The following CDH13 variants were observed in gnomAD, a reference collection of about 807,000 sequenced individuals.
CDH13 encodes cadherin-13.
Under a neutral mutation model 63.8 loss-of-function variants are expected in CDH13, and 24 were observed. That is an observed-to-expected ratio of 0.38 (90% CI 0.27 to 0.53). CDH13 has a LOEUF of 0.53. CDH13 is among the 20% of genes least tolerant of loss of function. CDH13 has a pLI of 0.85. For synonymous variants in CDH13, 503 were observed against 355.3 expected, an observed-to-expected ratio of 1.42 and a Z score of -4.67; for missense variants, 1,049 against 903.1, an observed-to-expected ratio of 1.16 and a Z score of -2.07.
At chr16:83,373,997 A>G (rs2091418190) in intron 6 of CDH13, among the ~76,000 whole-genome samples, 1 of 152,216 alleles carries the variant, frequency 6.6e-6, no homozygotes. Context: ...CAGGAAGTCG[A>G]AGGTCTTTCT....
chr16:83,545,683 C>G (rs531108451), intron 7 of CDH13, among the ~76,000 whole-genome samples: 3 of 152,288 alleles, frequency 2.0e-5, no homozygotes, highest in Admixed American at 2.0e-4. Flanking sequence ...TTTAGACTCT[C>G]CATACAGTTC....
chr16:83,246,047 T>C (rs1904960641), intron 5 of CDH13, among the ~76,000 whole-genome samples: 1 of 152,214 alleles, frequency 6.6e-6, no homozygotes, highest in South Asian at 2.1e-4. Context: ...CAAATTCCTA[T>C]TTCTTGTTTG....
intron 5 of CDH13, among the ~76,000 whole-genome samples, chr16:83,280,146 A>G (rs1322173833): frequency 1.3e-5 from 2 of 152,166 alleles, no homozygotes; most frequent in Non-Finnish European, 2.9e-5. Flanking sequence ...CTTTTCCAAA[A>G]TCTTTCTCTG....
At chr16:83,038,792 C>T (rs570434919) in intron 3 of CDH13, among the ~76,000 whole-genome samples, 6 of 152,258 alleles carry the variant, frequency 3.9e-5, no homozygotes, top group Non-Finnish European at 8.8e-5. Context: ...CATTTTCTGG[C>T]CTGGCCAACG....
intron 2 of CDH13, among the ~76,000 whole-genome samples, chr16:82,959,469 G>A (rs1427026297): frequency 6.6e-6 from 1 of 152,172 alleles, no homozygotes; most frequent in Non-Finnish European, 1.5e-5. Flanking sequence ...CCCAAGGGCA[G>A]AATCCACTTT....
Position 83,393,679 on chromosome 16 carries a change from C to G in CDH13, c.781+48673C>G, listed in dbSNP as rs75373172. On this transcript the variant is annotated intron_variant, in intron 6 of 13. Transcript: ENST00000567109. ...ATTCAATTCAGTTGAATCATTCATT[C>G]ATTGAATTGAATCATTCATTCAATG... is the stretch of plus-strand genomic sequence containing the variant. Among the ~76,000 whole-genome samples the G allele has an allele frequency of 7.5e-3, 1,142 of 152,274 alleles. 9 individuals are homozygous for G. Among genetic ancestry groups the G allele is most frequent in the Non-Finnish European group, 0.011 (775 of 68,024 alleles).
intron 11 of CDH13, among the ~76,000 whole-genome samples, chr16:83,767,329 C>T (rs1914461388): frequency 6.6e-6 from 1 of 152,094 alleles, no homozygotes; most frequent in African/African-American, 2.4e-5. Context: ...GGGCAGTTTT[C>T]CCCGTACTGT....
At chr16:83,229,085 A>T (rs1390130832) in intron 5 of CDH13, among the ~76,000 whole-genome samples, 1 of 152,200 alleles carries the variant, frequency 6.6e-6, no homozygotes, top group Non-Finnish European at 1.5e-5. Context: ...ACCGGGCCTC[A>T]CAGGGCAGGA....
chr16:83,097,203 T>A (rs1393708225), intron 3 of CDH13, among the ~76,000 whole-genome samples: 2 of 152,168 alleles, frequency 1.3e-5, no homozygotes, highest in East Asian at 3.8e-4. Context: ...CTAACTGATA[T>A]GAAACATTTC....
At chr16:83,442,046 A>G (rs2072494086) in intron 6 of CDH13, among the ~76,000 whole-genome samples, 2 of 152,120 alleles carry the variant, frequency 1.3e-5, no homozygotes, top group Admixed American at 1.3e-4. Flanking sequence ...TTTTTTGTCC[A>G]CAAGCAAAAT....
intron 1 of CDH13, among the ~76,000 whole-genome samples, chr16:82,693,543 A>G (rs2029892471): frequency 6.6e-6 from 1 of 152,196 alleles, no homozygotes; most frequent in South Asian, 2.1e-4. Flanking sequence ...TATGCTGCAT[A>G]AAGGACCCCC....
At chr16:83,300,394 C>G (rs2089705849) in intron 5 of CDH13, among the ~76,000 whole-genome samples, 1 of 152,194 alleles carries the variant, frequency 6.6e-6, no homozygotes, top group South Asian at 2.1e-4. Context: ...TTACAACATA[C>G]AGTTCTGTGT....
At chr16:82,740,844 C>G (rs1019976952) in intron 1 of CDH13, among the ~76,000 whole-genome samples, 2 of 152,106 alleles carry the variant, frequency 1.3e-5, no homozygotes, top group African/African-American at 4.8e-5. Flanking sequence ...AGCCTCATAG[C>G]AAAAGCCTCC....
chr16:83,149,920 T>G (rs908090047), intron 4 of CDH13, among the ~76,000 whole-genome samples: 1 of 152,234 alleles, frequency 6.6e-6, no homozygotes, highest in African/African-American at 2.4e-5. Flanking sequence ...AATTGGCTAT[T>G]AAACAGTTAG....
intron 4 of CDH13, among the ~76,000 whole-genome samples, chr16:83,191,518 C>T (rs2038709219): frequency 1.2e-5 from 1 of 86,728 alleles, no homozygotes; most frequent in Non-Finnish European, 2.3e-5. Flanking sequence ...CACACACACA[C>T]ACACACACAC....
intron 3 of CDH13, among the ~76,000 whole-genome samples, chr16:83,070,034 T>A (rs2032318704): frequency 6.6e-6 from 1 of 152,160 alleles, no homozygotes; most frequent in African/African-American, 2.4e-5. Flanking sequence ...ACTTCCCTTT[T>A]TTTCAAGGCA....
chr16:83,531,642 C>T (rs955047451), intron 7 of CDH13, among the ~76,000 whole-genome samples: 17 of 152,072 alleles, frequency 1.1e-4, no homozygotes, highest in South Asian at 4.2e-4. Context: ...AAGAGGGAGG[C>T]GAGTGGTATT....
At chr16:83,772,155 A>G (rs936698747) in intron 11 of CDH13, among the ~76,000 whole-genome samples, 14 of 152,226 alleles carry the variant, frequency 9.2e-5, no homozygotes, top group Non-Finnish European at 1.9e-4. Context: ...CTCAATATTA[A>G]GAAAAGAAGT....
At chr16:83,328,470 AG>A (rs1233193927) in intron 5 of CDH13, among the ~76,000 whole-genome samples, 1 of 152,238 alleles carries the variant, frequency 6.6e-6, no homozygotes, top group Non-Finnish European at 1.5e-5. Flanking sequence ...CAATTGACAT[AG>A]GATGATTGGA....
Sources: gnomAD v4.1 joint callset for allele counts (sites outside exome capture counted in the v4.1 genomes callset) on GRCh38, gnomAD v4.1.1 for gene constraint, MANE v1.5 for transcripts, NCBI Gene and HGNC (gene_info 2026-07-23, HGNC 2026-07-21) for gene names.